The following OPRM1 variants were observed in gnomAD, a reference collection of about 807,000 sequenced individuals.
The protein encoded by OPRM1 is opioid receptor mu 1, also known as mu-type opioid receptor.
In OPRM1, 27 loss-of-function variants were observed where a neutral mutation model predicts 31.8. The ratio of observed to expected loss-of-function variants is 0.85; its 90% confidence interval spans 0.63 to 1.17. The LOEUF is 1.17. Among genes scored for constraint, OPRM1 ranks in the 50% most tolerant of loss-of-function variants. The pLI, the probability that OPRM1 is intolerant of heterozygous loss-of-function variation, is 0.00. For missense variants in OPRM1, 536 were observed against 511.1 expected (o/e 1.05, Z -0.47); for synonymous variants, 196 against 189.9 (o/e 1.03, Z -0.26).
At chr6:154,238,370 C>T (rs2128633503) in intron 3 of OPRM1, among the ~76,000 whole-genome samples, 1 of 152,224 alleles carries the variant, frequency 6.6e-6, no homozygotes, top group East Asian at 1.9e-4. Flanking sequence ...ATTCTCCTGC[C>T]TCACTCTCCC....
At chr6:154,086,570 AT>A (rs1011840062) in intron 1 of OPRM1, 74 of 979,618 alleles carry the variant, frequency 7.6e-5, no homozygotes, top group South Asian at 6.6e-4. Context: ...CCCTGACATA[AT>A]TTTTTTTTCC....
chr6:154,029,285 A>G (rs908220304), intron 1 of OPRM1, among the ~76,000 whole-genome samples: 2 of 152,128 alleles, frequency 1.3e-5, no homozygotes, highest in Non-Finnish European at 2.9e-5. Flanking sequence ...TTAAAAAAAA[A>G]CTAAACACTC....
intron 1 of OPRM1, among the ~76,000 whole-genome samples, chr6:154,074,670 G>A (rs960636302): frequency 1.3e-5 from 2 of 152,142 alleles, no homozygotes; most frequent in African/African-American, 4.8e-5. Flanking sequence ...TGAGGCAGGA[G>A]AATTGCTTGA....
chr6:154,245,721 C>T (rs1252075235), intron 3 of OPRM1, among the ~76,000 whole-genome samples: 1 of 152,126 alleles, frequency 6.6e-6, no homozygotes. Flanking sequence ...CTGATCTTCA[C>T]AGTACTACAA....
chr6:154,077,687 C>T (rs1788166078), intron 1 of OPRM1, among the ~76,000 whole-genome samples: 1 of 151,804 alleles, frequency 6.6e-6, no homozygotes, highest in African/African-American at 2.4e-5. Context: ...CCCGAGCTAG[C>T]ACCACTGCAC....
At chr6:154,147,178 C>T (rs1798380170) in intron 3 of OPRM1, among the ~76,000 whole-genome samples, 4 of 152,122 alleles carry the variant, frequency 2.6e-5, no homozygotes, top group African/African-American at 9.7e-5. Context: ...GGTTAGCAGC[C>T]ACCATTCACT....
chr6:154,152,347 G>GAAAAGGAAGAAAGAAAGAAAGAAAGAAA, intron 3 of OPRM1, among the ~76,000 whole-genome samples: 1 of 65,132 alleles, frequency 1.5e-5, no homozygotes, highest in East Asian at 4.5e-4. Context: ...AAGAAAGAAA[G>GAAAAGGAAGAAAGAAAGAAAGAAAGAAA]GAAAGAAAGA....
chr6:154,134,736 A>T (rs1252065039), downstream of OPRM1, among the ~76,000 whole-genome samples: 1 of 152,232 alleles, frequency 6.6e-6, no homozygotes, highest in Non-Finnish European at 1.5e-5. Context: ...CAAATTGCAG[A>T]TAGTTCTCTT....
chr6:154,203,091 A>G (rs1528045), intron 3 of OPRM1, among the ~76,000 whole-genome samples: 12,519 of 152,180 alleles, frequency 0.082, 1,033 homozygotes, highest in East Asian at 0.43. Flanking sequence ...TTCTGGAGAA[A>G]CCAATAGCCA....
chr6:154,052,075 G>A (rs1479943585), intron 1 of OPRM1, among the ~76,000 whole-genome samples: 1 of 152,156 alleles, frequency 6.6e-6, no homozygotes, highest in Non-Finnish European at 1.5e-5. Context: ...GCTGACACAG[G>A]AACAGAAAAC....
At chr6:154,116,528 T>C (rs901973710) in intron 3 of OPRM1, among the ~76,000 whole-genome samples, 9 of 147,398 alleles carry the variant, frequency 6.1e-5, no homozygotes, top group African/African-American at 2.3e-4. Context: ...GAGGTTGCAG[T>C]CAGGCAACAT....
intron 3 of OPRM1, among the ~76,000 whole-genome samples, chr6:154,150,097 C>T (rs565112910): frequency 8.3e-4 from 126 of 152,302 alleles, no homozygotes; most frequent in Non-Finnish European, 1.4e-3. Context: ...TGGGCACTTG[C>T]GTCCCTTCCT....
chr6:154,054,616 A>G (rs1782869667), intron 1 of OPRM1, among the ~76,000 whole-genome samples: 1 of 152,232 alleles, frequency 6.6e-6, no homozygotes, highest in South Asian at 2.1e-4. Context: ...GGGGTTATTT[A>G]TAGAACAAGT....
chr6:154,082,612 G>A (rs1421726527), intron 1 of OPRM1, among the ~76,000 whole-genome samples: 1 of 152,072 alleles, frequency 6.6e-6, no homozygotes, highest in African/African-American at 2.4e-5. Flanking sequence ...ATTTGAAGTC[G>A]CTAGTAATGT....
chr6:154,223,084 C>T, intron 3 of OPRM1: 2 of 1,084,250 alleles, frequency 1.8e-6, no homozygotes, highest in South Asian at 1.3e-5. Flanking sequence ...CCTTCACTCA[C>T]TTCTAAATCA....
chr6:154,186,613 G>A (rs1801380198), intron 3 of OPRM1, among the ~76,000 whole-genome samples: 1 of 151,850 alleles, frequency 6.6e-6, no homozygotes, highest in South Asian at 2.1e-4. Context: ...CTGGAGTGCA[G>A]TGGTGCGATC....
At chr6:154,189,331 G>A (rs1801658273) in intron 3 of OPRM1, among the ~76,000 whole-genome samples, 1 of 152,192 alleles carries the variant, frequency 6.6e-6, no homozygotes. Context: ...ATTTCATCTA[G>A]TAAAGTTGAA....
intron 3 of OPRM1, among the ~76,000 whole-genome samples, chr6:154,101,070 A>T (rs1794763958): frequency 6.6e-6 from 1 of 151,822 alleles, no homozygotes; most frequent in South Asian, 2.1e-4. Flanking sequence ...ATCCTATGAA[A>T]GATGATATTA....
intron 3 of OPRM1, among the ~76,000 whole-genome samples, chr6:154,176,408 G>A (rs1345942895): frequency 6.6e-6 from 1 of 152,124 alleles, no homozygotes; most frequent in Non-Finnish European, 1.5e-5. Context: ...TCACATGATT[G>A]TATATTTAGA....
Sources: gnomAD v4.1 joint callset for allele counts (sites outside exome capture counted in the v4.1 genomes callset) on GRCh38, gnomAD v4.1.1 for gene constraint, MANE v1.5 for transcripts, NCBI Gene and HGNC (gene_info 2026-07-23, HGNC 2026-07-21) for gene names.